Variants in RPP38 observed in about 807,000 individuals in gnomAD.
RPP38 encodes ribonuclease P/MRP subunit p38.
A neutral mutation model predicts 1.7 loss-of-function variants in RPP38; 2 were observed. The ratio of observed to expected loss-of-function variants is 1.18; its 90% CI spans 0.48 to 3.70. The LOEUF is 3.70. Ranked by LOEUF, RPP38 falls within the 30% of genes most tolerant of loss-of-function variation. RPP38 has a pLI of 0.07. For synonymous variants in RPP38, 151 were observed against 131.8 expected (o/e 1.15, Z -1.00); for missense variants, 358 against 340.1 (o/e 1.05, Z -0.41).
chr10:15,098,232 T>TTTTTG (rs1554817936), intron 1 of RPP38, among the ~76,000 whole-genome samples: 2 of 142,106 alleles, frequency 1.4e-5, no homozygotes, highest in Non-Finnish European at 3.0e-5. Flanking sequence ...ACGTGTTTTT[T>TTTTTG]TTTTTTTTTT....
intron 1 of RPP38, 37 bp downstream of exon 1, chr10:15,097,803 A>G (rs1294443934): frequency 3.3e-5 from 5 of 152,364 alleles, no homozygotes; most frequent in Non-Finnish European, 7.3e-5. Context: ...TGGGGAGGTG[A>G]GCTTTGGGTC....
chr10:15,099,476 C>A (rs944048139), intron 1 of RPP38, among the ~76,000 whole-genome samples: 1 of 141,950 alleles, frequency 7.0e-6, no homozygotes, highest in Non-Finnish European at 1.5e-5. Context: ...TATAGAATTT[C>A]TTTTTTTTTT....
rs755169517 is a variant in RPP38 at position 15,103,789 on chromosome 10, T to C, written c.475T>C (p.Cys159Arg). 1.2e-6 allele frequency: 2 copies of C among 1,614,052 alleles called. No homozygotes were observed. The highest frequency in any genetic ancestry group is 1.3e-5 in the African/African-American group (1 of 75,034). ...QLSLSRSVPA[C>R]QVPRLSERIA... The stretch of plus-strand genomic sequence containing the variant: ...AAGCCTAAGCAGAAGTGTCCCTGCC[T>C]GTCAGGTCCCCCGGCTCAGTGAGAG... Residue 159 changes from cysteine (C) to arginine (R), a missense_variant, in exon 3 of 3, where the codon TGT (cysteine) becomes CGT (arginine). Cys to Arg is a radical substitution (Grantham distance 180). Coordinates refer to ENST00000378197, the MANE Select transcript of RPP38 (RefSeq NM_183005.5).
intron 1 of RPP38, among the ~76,000 whole-genome samples, chr10:15,101,734 AC>A (rs1362995194): frequency 6.6e-6 from 1 of 152,092 alleles, no homozygotes; most frequent in Non-Finnish European, 1.5e-5. Context: ...TACTAAAAAT[AC>A]AAAAATTAGC....
chr10:15,104,082 A>C lies in RPP38; in HGVS notation c.768A>C (p.Leu256Phe). The change falls in exon 3 of 3, where the codon TTA (leucine) becomes TTC (phenylalanine). Residue 256 changes from leucine (L) to phenylalanine (F), a missense_variant. By Grantham distance (22) the Leu-to-Phe change is conservative (BLOSUM62 0). Coordinates refer to ENST00000378197, the MANE Select transcript of RPP38 (RefSeq NM_183005.5). ...LADGRQASVT[L>F]QPLKIKKLIP... The stretch of plus-strand genomic sequence containing the variant: ...ACGGTCGGCAGGCTTCTGTAACATT[A>C]CAACCCCTTAAAATAAAGAAACTGA... The C allele has an allele frequency of 2.5e-6, 4 of 1,610,696 alleles. No individual in the cohort carries two copies. Among genetic ancestry groups the C allele is most frequent in the Non-Finnish European group, 3.4e-6 (4 of 1,179,258 alleles).
chr10:15,103,411 T>C lies in RPP38; in HGVS notation c.97T>C (p.Trp33Arg), dbSNP rs1168241041. The C allele has an allele frequency of 6.2e-7, 1 of 1,613,964 alleles. No homozygotes were observed. The highest frequency in any genetic ancestry group is 8.5e-7 in the Non-Finnish European group (1 of 1,179,940). ...TSLNNPYIIR[W>R]SALESEDMHF... ...GTTGAACAACCCATACATCATCCGC[T>C]GGAGCGCTCTGGAGAGCGAGGATAT... Residue 33 changes from tryptophan (W) to arginine (R), a missense_variant, in exon 3 of 3, where the codon TGG becomes CGG. Physicochemically the swap from Trp to Arg is moderately radical, Grantham distance 101. Transcript: ENST00000378197.
At chr10:15,101,210 G>A (rs749892521) in intron 1 of RPP38, among the ~76,000 whole-genome samples, 60 of 152,230 alleles carry the variant, frequency 3.9e-4, no homozygotes, top group Non-Finnish European at 7.8e-4. Flanking sequence ...TAGGAATGCT[G>A]TAAGAAGCAA....
intron 1 of RPP38, among the ~76,000 whole-genome samples, chr10:15,098,940 C>A (rs973894740): frequency 1.3e-5 from 2 of 151,906 alleles, no homozygotes; most frequent in African/African-American, 4.8e-5. Flanking sequence ...TCCCACCCCC[C>A]TCAACTAAGC....
intron 1 of RPP38, among the ~76,000 whole-genome samples, chr10:15,098,904 A>ATT (rs57617378): frequency 1.5e-5 from 2 of 130,944 alleles, no homozygotes; most frequent in African/African-American, 3.7e-5. Context: ...AAAAAAAAAA[A>ATT]AAGTTCCTCT....
In RPP38 at chr10:15,103,353, C is replaced by T. The variant is rs574083337; in HGVS notation, c.39C>T (p.Leu13=). The change falls in exon 3 of 3, where the codon CTC becomes CTT. Residue 13 remains leucine, a synonymous_variant. Coordinates refer to ENST00000378197, the MANE Select transcript of RPP38 (RefSeq NM_183005.5). ...CTCAAGCACCGGGGCGGGGATCTCT[C>T]CGTAAGACGAGACCTCTGGTTGTGA... The part of the protein sequence containing the change: ...AAPQAPGRGS[L]RKTRPLVVKT... 9 of 1,606,212 alleles carry T rather than the reference C, an allele frequency of 5.6e-6. No homozygotes were observed. The African/African-American group carries it at 9.4e-5, about 17-fold the overall frequency.
chr10:15,100,717 G>A (rs528562062), intron 1 of RPP38, among the ~76,000 whole-genome samples: 112 of 149,682 alleles, frequency 7.5e-4, no homozygotes, highest in African/African-American at 2.6e-3. Context: ...GAGTCTTGCT[G>A]TCGCCCAGGC....
chr10:15,103,163 G>T, intron 2 of RPP38, 142 bp from the exon 3 acceptor site: 1 of 747,460 alleles, frequency 1.3e-6, no homozygotes, highest in South Asian at 2.1e-5. Context: ...CTGCACTCCA[G>T]CCTGGGCAAC....
chr10:15,101,926 G>T (rs1845120216), intron 1 of RPP38, among the ~76,000 whole-genome samples: 1 of 152,148 alleles, frequency 6.6e-6, no homozygotes, highest in Non-Finnish European at 1.5e-5. Context: ...GCCTGCATAT[G>T]TATCAAATGC....
In RPP38 at chr10:15,103,916, C is replaced by G. The variant is rs1230271782; in HGVS notation, c.602C>G (p.Pro201Arg). The G allele has an allele frequency of 3.1e-6, 5 of 1,614,098 alleles. No homozygotes were observed. The highest frequency in any genetic ancestry group is 1.3e-5 in the African/African-American group (1 of 75,012). ...GTAAGAGCCATCATCCCCAGAGTCC[C>G]CAGTTTAAGTGTACCATGGCTTCAA... The part of the protein sequence containing the change: ...DEVRAIIPRV[P>R]SLSVPWLQDR... Residue 201 changes from proline to arginine, a missense_variant, in exon 3 of 3, where the codon CCC becomes CGC. Physicochemically the swap from Pro to Arg is moderately radical, Grantham distance 103. Coordinates refer to ENST00000378197, the MANE Select transcript of RPP38 (RefSeq NM_183005.5).
At chr10:15,098,904 A>ATGT (rs57617378) in intron 1 of RPP38, among the ~76,000 whole-genome samples, 2 of 130,936 alleles carry the variant, frequency 1.5e-5, no homozygotes, top group African/African-American at 7.4e-5. Context: ...AAAAAAAAAA[A>ATGT]AAGTTCCTCT....
chr10:15,103,694 G>A lies in RPP38; in HGVS notation c.380G>A (p.Arg127Lys), dbSNP rs774481311. 12 of 1,614,038 alleles carry A rather than the reference G, an allele frequency of 7.4e-6. No homozygotes were observed. The Admixed American group carries it at 2.0e-4, about 27-fold the overall frequency. Residue 127 changes from arginine to lysine, a missense_variant, in exon 3 of 3, where the codon AGG (arginine) becomes AAG (lysine). Transcript: ENST00000378197. ...GAAGTTACCAGAGCCCTGGAAAGGAGGGAACTGCTGTTAGTTCTGGTGTGT... is the reference window on the plus strand; with the variant it reads ...GAAGTTACCAGAGCCCTGGAAAGGAAGGAACTGCTGTTAGTTCTGGTGTGT... Reference protein sequence around the residue: ...VNEVTRALERRELLLVLVCKS... With the variant: ...VNEVTRALERKELLLVLVCKS...
chr10:15,101,611 C>G (rs1366628361), intron 1 of RPP38, among the ~76,000 whole-genome samples: 1 of 152,140 alleles, frequency 6.6e-6, no homozygotes, highest in Non-Finnish European at 1.5e-5. Flanking sequence ...GGAGGACTGG[C>G]CGGGAGTGGT....
At chr10:15,098,433 G>A (rs1274654200) in intron 1 of RPP38, among the ~76,000 whole-genome samples, 1 of 150,630 alleles carries the variant, frequency 6.6e-6, no homozygotes, top group Admixed American at 6.6e-5. Context: ...CGTTGGTCAG[G>A]CTAGTCTCGA....
At position 15,102,334 on chromosome 10, in the gene RPP38, C is replaced by G. The variant is rs1406597462; in HGVS notation, c.-13C>G. 6.6e-6 allele frequency: 1 copy of G among 152,034 alleles called. No homozygotes were observed. The highest frequency in any genetic ancestry group is 2.4e-5 in the African/African-American group (1 of 41,376). The allele number at this position is 152,034 out of a possible 1,614,324, so 9.4% of individuals were successfully genotyped here. A position where few individuals can be genotyped will look rare whatever the true frequency, so the allele number is the denominator to read the frequency against. The stretch of plus-strand genomic sequence containing the variant: ...TCAGCCTCCCAAGTAGCTGGGACTA[C>G]AGGTACGCCTCACACTTAGCTAATT... On this transcript the variant is annotated splice_region_variant and 5_prime_UTR_variant, in exon 2 of 3. Coordinates refer to ENST00000378197, the MANE Select transcript of RPP38 (RefSeq NM_183005.5).
Sources: allele counts gnomAD v4.1 joint callset (sites outside exome capture counted in the v4.1 genomes callset), GRCh38; gene constraint gnomAD v4.1.1; transcripts MANE v1.5; gene names NCBI Gene and HGNC (gene_info 2026-07-23, HGNC 2026-07-21).